NID1: variants seen among roughly 807,000 people sequenced by gnomAD.
NID1 encodes nidogen-1.
A neutral mutation model predicts 130.6 loss-of-function variants in NID1; 76 were observed. The ratio of observed to expected loss-of-function variants is 0.58; its 90% confidence interval spans 0.48 to 0.70. The LOEUF is 0.70. Among genes scored for constraint, NID1 ranks in the 30% least tolerant of loss-of-function variants. The pLI is 0.00. For synonymous variants in NID1, 665 were observed against 675.1 expected (o/e 0.98, Z 0.23); for missense variants, 1,517 against 1,664.8 (o/e 0.91, Z 1.54).
chr1:236,060,624 T>C (rs953412577), intron 1 of NID1: 7 of 152,200 alleles, frequency 4.6e-5, no homozygotes, highest in African/African-American at 1.7e-4. Context: ...TACCCCTCTC[T>C]TCTGCAGAAA....
chr1:236,007,275 C>CAAAA lies in NID1; in HGVS notation c.2527+4645_2527+4646insTTTT, dbSNP rs1394083858. 1.1e-4 allele frequency among the ~76,000 whole-genome samples: 16 copies of CAAAA among 152,306 alleles called. 1 individual carries two copies. Among genetic ancestry groups the CAAAA allele is most frequent in the Admixed American group, 7.2e-4 (11 of 15,302 alleles). ...TCTTAAACTCCTGGACCAGGTTTTA[C>CAAAA]ATTTCTAGCCCAAGACATTTAATGC... is the stretch of plus-strand genomic sequence containing the variant. On this transcript the variant is annotated intron_variant, in intron 12 of 19. Coordinates refer to ENST00000264187, the MANE Select transcript of NID1 (RefSeq NM_002508.3).
At position 236,049,687 on chromosome 1, in the gene NID1, T is replaced by C. The variant is rs552622868; in HGVS notation, c.226-698A>G. On this transcript the variant is annotated intron_variant, in intron 1 of 19. Transcript: ENST00000264187. The stretch of plus-strand genomic sequence containing the variant: ...AGGATAATAGCTAATATTTACTGAA[T>C]ACTCACCATATTCCAGGCATTTTTA... Among the ~76,000 whole-genome samples the C allele has an allele frequency of 8.5e-5, 13 of 152,304 alleles. No homozygotes were observed. In the South Asian group the frequency reaches 1.5e-3, roughly 17 times the overall value.
intron 12 of NID1, among the ~76,000 whole-genome samples, chr1:236,010,362 A>T (rs10803216): frequency 0.6 from 86,855 of 145,854 alleles, 26,827 homozygotes; most frequent in East Asian, 0.75. Context: ...TGGGGTGTAG[A>T]GTGATCTTGG....
chr1:235,998,940 G>T (rs1027987989), intron 12 of NID1, among the ~76,000 whole-genome samples: 6 of 152,212 alleles, frequency 3.9e-5, no homozygotes, highest in Non-Finnish European at 5.9e-5. Flanking sequence ...CCACAGCACT[G>T]GTTGGTGGCT....
intron 12 of NID1, among the ~76,000 whole-genome samples, chr1:236,009,602 T>A (rs1658348131): frequency 6.6e-6 from 1 of 152,232 alleles, no homozygotes; most frequent in African/African-American, 2.4e-5. Flanking sequence ...TAGGCTTATG[T>A]TTTATACACA....
At chr1:236,002,531 C>CAAAA (rs1658107693) in intron 12 of NID1, among the ~76,000 whole-genome samples, 1 of 151,550 alleles carries the variant, frequency 6.6e-6, no homozygotes, top group Non-Finnish European at 1.5e-5. Flanking sequence ...AACAAACAAA[C>CAAAA]AAAAAATGAC....
intron 11 of NID1, 115 bp downstream of exon 11, chr1:236,013,296 T>C: frequency 4.4e-6 from 5 of 1,131,102 alleles, no homozygotes; most frequent in Non-Finnish European, 6.4e-6. Flanking sequence ...TCTGTGGAGA[T>C]GACAGAAGAA....
intron 3 of NID1, among the ~76,000 whole-genome samples, chr1:236,043,296 G>A (rs1469589071): frequency 6.6e-6 from 1 of 152,186 alleles, no homozygotes; most frequent in Non-Finnish European, 1.5e-5. Flanking sequence ...TGGAAACACA[G>A]GACTTGGGAC....
At chr1:236,035,016 A>C (rs1162149456) in intron 5 of NID1, among the ~76,000 whole-genome samples, 1 of 108,942 alleles carries the variant, frequency 9.2e-6, no homozygotes, top group Non-Finnish European at 1.8e-5. Context: ...ATTATACTTT[A>C]AGTTTTAGGG....
chr1:236,047,105 T>A lies in NID1; in HGVS notation c.526-1422A>T, dbSNP rs114697821. ...CAGCCTGGGTGACAGAGCAAGACTC[T>A]GTCTCAAAACAAAAACAAAAACAAA... On this transcript the variant is annotated intron_variant, in intron 2 of 19. Coordinates refer to ENST00000264187, the MANE Select transcript of NID1 (RefSeq NM_002508.3). 9.2e-3 allele frequency among the ~76,000 whole-genome samples: 1,396 copies of A among 152,170 alleles called. 11 individuals are homozygous for A. The highest frequency in any genetic ancestry group is 0.014 in the Non-Finnish European group (978 of 68,012).
intron 19 of NID1, among the ~76,000 whole-genome samples, chr1:235,978,546 A>G (rs1657340035): frequency 6.6e-6 from 1 of 152,216 alleles, no homozygotes. Context: ...TGCTATGAGG[A>G]TTACATGAAC....
Position 235,979,897 on chromosome 1 carries a change from T to G in NID1, c.3434A>C (p.Lys1145Thr). The G allele has an allele frequency of 6.2e-7, 1 of 1,613,948 alleles. No homozygotes were observed. ...AGGATACTGGAGCCCTTCGAGAGCC[T>G]TGCGTCTGCTGGGCTGACTGGGGTT... ...CLNPSQPSRR[K>T]ALEGLQYPFA... is the part of the protein sequence containing the mutation. Residue 1145 changes from lysine to threonine, a missense_variant, in exon 18 of 20, where the codon AAG (lysine) becomes ACG (threonine). Transcript: ENST00000264187. The surrounding 1 kb of genome is among the most constrained non-coding windows in gnomAD (Gnocchi z 4.6).
chr1:236,032,490 G>C lies in NID1; in HGVS notation c.1448C>G (p.Ser483Cys), dbSNP rs756922591. Reference sequence around the variant, plus strand: ...TCCAACTGGGGCCAGTGGAAGCAGAGAATATCCAACGGTCTCGGGAATGGT... The same window carrying C: ...TCCAACTGGGGCCAGTGGAAGCAGACAATATCCAACGGTCTCGGGAATGGT... Reference protein sequence around the residue: ...ISTIPETVGYSLLPLAPVGGI... With the variant: ...ISTIPETVGYCLLPLAPVGGI... Residue 483 changes from serine (S) to cysteine (C), a missense_variant, in exon 6 of 20, where the codon TCT becomes TGT. Physicochemically the swap from Ser to Cys is moderately radical, Grantham distance 112. Transcript: ENST00000264187. The C allele has an allele frequency of 6.2e-7, 1 of 1,614,100 alleles. No homozygotes were observed. The highest frequency in any genetic ancestry group is 1.3e-5 in the African/African-American group (1 of 74,942).
intron 13 of NID1, among the ~76,000 whole-genome samples, chr1:235,991,778 G>A (rs1252793972): frequency 6.6e-6 from 1 of 152,180 alleles, no homozygotes; most frequent in Non-Finnish European, 1.5e-5. Context: ...CCTGCCCACA[G>A]GGAGCCAGGT....
intron 19 of NID1, among the ~76,000 whole-genome samples, chr1:235,978,335 C>T (rs1055102482): frequency 1.3e-5 from 2 of 152,176 alleles, no homozygotes; most frequent in African/African-American, 4.8e-5. Context: ...GCTTGCACTC[C>T]TAGCTTCACA....
chr1:236,035,719 G>T (rs4660148), intron 5 of NID1, among the ~76,000 whole-genome samples: 52,683 of 152,050 alleles, frequency 0.35, 9,424 homozygotes, highest in East Asian at 0.49. Context: ...ATGACTTTTC[G>T]TTGGGTTCCA....
chr1:236,059,897 C>G (rs1035275375), intron 1 of NID1, among the ~76,000 whole-genome samples: 12 of 152,078 alleles, frequency 7.9e-5, no homozygotes, highest in African/African-American at 2.7e-4. Flanking sequence ...GTCAAGAGAT[C>G]GAGACCATCC....
At chr1:236,006,713 G>A (rs1168234319) in intron 12 of NID1, among the ~76,000 whole-genome samples, 1 of 152,216 alleles carries the variant, frequency 6.6e-6, no homozygotes, top group African/African-American at 2.4e-5. Context: ...TTGCTTTTGA[G>A]GAGAGAGAGG....
intron 19 of NID1, 139 bp from the exon 20 acceptor site, chr1:235,978,127 G>C: frequency 1.0e-6 from 1 of 971,940 alleles, no homozygotes; most frequent in Non-Finnish European, 1.5e-6. Context: ...AGGAGAATGG[G>C]GACACTGTGC....
Sources: gnomAD v4.1 joint callset for allele counts (sites outside exome capture counted in the v4.1 genomes callset) on GRCh38, gnomAD v4.1.1 for gene constraint, Gnocchi (gnomAD v3.1) non-coding constraint, MANE v1.5 for transcripts, NCBI Gene and HGNC (gene_info 2026-07-23, HGNC 2026-07-21) for gene names.